The following FGFR2 variants were observed in gnomAD, a reference collection of about 807,000 sequenced individuals.
FGFR2 encodes fibroblast growth factor receptor 2.
Under a neutral mutation model 95.9 loss-of-function variants are expected in FGFR2, and 19 were observed. That is an observed-to-expected ratio of 0.20 (90% CI 0.14 to 0.29). The LOEUF (loss-of-function observed/expected upper bound fraction) is 0.29. FGFR2 is among the 10% of genes least tolerant of loss of function. FGFR2 has a pLI of 1.00. For missense variants in FGFR2, 707 were observed against 1,056.9 expected (o/e 0.67, Z 4.59); for synonymous variants, 392 against 393.3 (o/e 1.00, Z 0.04).
chr10:121,484,713 T>G (rs971882855), intron 16 of FGFR2, among the ~76,000 whole-genome samples: 2 of 152,138 alleles, frequency 1.3e-5, no homozygotes, highest in Admixed American at 6.5e-5. Context: ...ACTTAAAGTG[T>G]GAGGCAGGTT....
At chr10:121,524,720 A>G (rs1312200226) in intron 6 of FGFR2, among the ~76,000 whole-genome samples, 1 of 152,216 alleles carries the variant, frequency 6.6e-6, no homozygotes, top group African/African-American at 2.4e-5. Context: ...ATGGTGGACG[A>G]GGATGCAGGC....
chr10:121,551,345 C>T lies in FGFR2; in HGVS notation c.569G>A (p.Arg190Gln), dbSNP rs759750319. The T allele has an allele frequency of 1.7e-5, 27 of 1,614,108 alleles. No homozygotes were observed. The highest frequency in any genetic ancestry group is 5.0e-5 in the Admixed American group (3 of 60,004). The change falls in exon 5 of 18, where the codon CGG (arginine) becomes CAG (glutamine). Residue 190 changes from arginine to glutamine, a missense_variant. Transcript: ENST00000358487. Reference sequence around the variant, plus strand: ...AAACTCCTTCCCGTTTTTCAGCCACCGCATGGTTGGCATTGGGTTCCCCCC... The same window carrying T: ...AAACTCCTTCCCGTTTTTCAGCCACTGCATGGTTGGCATTGGGTTCCCCCC... ...PAGGNPMPTM[R>Q]WLKNGKEFKQ... is the part of the protein sequence containing the mutation.
chr10:121,519,885 C>A, intron 7 of FGFR2, 94 bp downstream of exon 7: 1 of 1,187,808 alleles, frequency 8.4e-7, no homozygotes, highest in African/African-American at 1.5e-5. Context: ...GAGAATCATC[C>A]TCTCTCAACT....
intron 4 of FGFR2, among the ~76,000 whole-genome samples, chr10:121,551,724 T>C (rs188522203): frequency 1.2e-3 from 177 of 152,226 alleles, no homozygotes; most frequent in African/African-American, 3.9e-3. Flanking sequence ...TTGTTCTTGA[T>C]GCCAGAAAAT....
At chr10:121,575,858 AAAAT>A (rs148627217) in intron 2 of FGFR2, among the ~76,000 whole-genome samples, 66,372 of 149,070 alleles carry the variant, frequency 0.45, 15,009 homozygotes, top group African/African-American at 0.53. Flanking sequence ...TCATCTCAAA[AAAAT>A]AAATAAATAA....
intron 2 of FGFR2, among the ~76,000 whole-genome samples, chr10:121,580,556 GGAAAGGTTCCCCACACT>G (rs1860692534): frequency 6.6e-6 from 1 of 152,158 alleles, no homozygotes; most frequent in South Asian, 2.1e-4. Flanking sequence ...ATGACCTGGA[GGAAAGGTTCCCCACACT>G]GCCTTCGGGT....
chr10:121,543,964 A>G (rs574959238), intron 5 of FGFR2, among the ~76,000 whole-genome samples: 109 of 152,214 alleles, frequency 7.2e-4, no homozygotes, highest in Non-Finnish European at 1.4e-3. Context: ...AAATGTCACG[A>G]TCTTCCCCAT....
intron 2 of FGFR2, among the ~76,000 whole-genome samples, chr10:121,582,284 G>C (rs1156391688): frequency 6.6e-6 from 1 of 152,058 alleles, no homozygotes; most frequent in Non-Finnish European, 1.5e-5. Flanking sequence ...CCACTCAACT[G>C]TTCATTGCTT....
At chr10:121,536,352 G>A (rs1313197382) in intron 6 of FGFR2, among the ~76,000 whole-genome samples, 1 of 152,126 alleles carries the variant, frequency 6.6e-6, no homozygotes, top group Non-Finnish European at 1.5e-5. Context: ...AAGGTTCAAG[G>A]CTTGGAAAAT....
chr10:121,482,279 T>A, intron 17 of FGFR2: 1 of 1,079,478 alleles, frequency 9.3e-7, no homozygotes, highest in Non-Finnish European at 1.4e-6. Context: ...GTTGGTTTCT[T>A]CCCCCCCTTG....
chr10:121,593,670 T>C, intron 2 of FGFR2, 39 bp downstream of exon 2: 1 of 1,584,934 alleles, frequency 6.3e-7, no homozygotes, highest in Non-Finnish European at 8.7e-7. Flanking sequence ...CCCAGACAAA[T>C]CCCAAAACAA....
intron 4 of FGFR2, 132 bp from the exon 5 acceptor site, chr10:121,551,591 T>A: frequency 1.2e-6 from 1 of 848,320 alleles, no homozygotes; most frequent in Non-Finnish European, 1.8e-6. Context: ...GGGTAATATT[T>A]ACATTTGGAA....
In FGFR2 at chr10:121,533,897, GGGGGA is replaced by G. The variant is rs1230269796; in HGVS notation, c.748+4690_748+4694del. Among the ~76,000 whole-genome samples, 3 of 152,142 alleles carry G rather than the reference GGGGGA, an allele frequency of 2.0e-5. No individual in the cohort carries two copies. In the East Asian group the frequency reaches 5.8e-4, roughly 30 times the overall value. On this transcript the variant is annotated intron_variant, in intron 6 of 17. Coordinates refer to ENST00000358487, the MANE Select transcript of FGFR2 (RefSeq NM_000141.5). Reference sequence around the variant, plus strand: ...ACCTGAACTTCCTCCACTGCAAAGTGGGGGAGGGGAGGGGTGGGCGTAAAGAAGCC... The same window carrying G: ...ACCTGAACTTCCTCCACTGCAAAGTGGGGGAGGGGTGGGCGTAAAGAAGCC...
At position 121,525,509 on chromosome 10, in the gene FGFR2, T is replaced by C. The variant is rs566149020; in HGVS notation, c.749-5340A>G. On this transcript the variant is annotated intron_variant, in intron 6 of 17. Coordinates refer to ENST00000358487, the MANE Select transcript of FGFR2 (RefSeq NM_000141.5). ...AAGCAGAAAGCCCAGCTGCTAAGAA[T>C]TGAAATATCAGGATGGGCTCTGTCA... 2.6e-5 allele frequency among the ~76,000 whole-genome samples: 4 copies of C among 152,158 alleles called. No homozygotes were observed. The East Asian group carries it at 7.7e-4, about 29-fold the overall frequency.
At chr10:121,593,013 C>G (rs761855344) in intron 2 of FGFR2, among the ~76,000 whole-genome samples, 3 of 152,164 alleles carry the variant, frequency 2.0e-5, no homozygotes, top group Non-Finnish European at 2.9e-5. Flanking sequence ...ATGTAGTCCT[C>G]GTAATTGGAC....
intron 9 of FGFR2, among the ~76,000 whole-genome samples, chr10:121,504,612 T>C (rs41295577): frequency 2.0e-5 from 3 of 152,266 alleles, no homozygotes; most frequent in East Asian, 1.9e-4. Flanking sequence ...CTGCCTCTTG[T>C]CTTCGGTTTC....
intron 7 of FGFR2, among the ~76,000 whole-genome samples, chr10:121,519,383 A>G (rs991968805): frequency 2.0e-5 from 3 of 152,222 alleles, no homozygotes; most frequent in African/African-American, 7.2e-5. Flanking sequence ...TTCCTTGTTC[A>G]ACATTTCACT....
At chr10:121,557,103 A>T (rs1274666286) in intron 4 of FGFR2, among the ~76,000 whole-genome samples, 1 of 152,230 alleles carries the variant, frequency 6.6e-6, no homozygotes, top group African/African-American at 2.4e-5. Flanking sequence ...ATATGTTTTC[A>T]AAACCAAGCA....
rs2133840374 is a variant in FGFR2 at position 121,488,128 on chromosome 10, G to C, written c.1864-15C>G. Reference sequence around the variant, plus strand: ...CGATGAATACACTGAAATCAAGAAAGAAGCAAGAGAAATAACTAATTTCAA... The same window carrying C: ...CGATGAATACACTGAAATCAAGAAACAAGCAAGAGAAATAACTAATTTCAA... On this transcript the variant is annotated splice_polypyrimidine_tract_variant and intron_variant, in intron 13 of 17. Transcript: ENST00000358487. 2 of 1,613,098 alleles carry C rather than the reference G, an allele frequency of 1.2e-6. No individual in the cohort carries two copies. Among genetic ancestry groups the C allele is most frequent in the Non-Finnish European group, 8.5e-7 (1 of 1,179,876 alleles).
Sources: allele counts gnomAD v4.1 joint callset (sites outside exome capture counted in the v4.1 genomes callset), GRCh38; gene constraint gnomAD v4.1.1; transcripts MANE v1.5; gene names NCBI Gene and HGNC (gene_info 2026-07-23, HGNC 2026-07-21).